The following ALG9 variants were observed in gnomAD, a reference collection of about 807,000 sequenced individuals.
ALG9 encodes alpha-1,2-mannosyltransferase ALG9.
In ALG9, 55 loss-of-function variants were observed where a neutral mutation model predicts 81.8. The ratio of observed to expected loss-of-function variants is 0.67; its 90% confidence interval spans 0.54 to 0.84. ALG9 has a LOEUF of 0.84. Among genes scored for constraint, ALG9 ranks in the 40% least tolerant of loss-of-function variants. The probability of loss-of-function intolerance (pLI) is 0.00; values close to 1 mark genes in which losing one functional copy is unlikely to be tolerated. For missense variants in ALG9, 629 were observed against 745.0 expected (o/e 0.84, Z 1.81); for synonymous variants, 278 against 274.3 (o/e 1.01, Z -0.13).
intron 13 of ALG9, among the ~76,000 whole-genome samples, chr11:111,829,776 T>C (rs967104515): frequency 1.3e-5 from 2 of 152,198 alleles, no homozygotes; most frequent in African/African-American, 4.8e-5. Context: ...CAGTCTTCAG[T>C]GACATCATCT....
intron 14 of ALG9, among the ~76,000 whole-genome samples, chr11:111,808,204 C>T (rs546614637): frequency 6.6e-6 from 1 of 152,274 alleles, no homozygotes; most frequent in South Asian, 2.1e-4. Flanking sequence ...GAGAGTGTGG[C>T]TCAAGAGCCT....
chr11:111,866,243 G>A (rs1403564792), intron 3 of ALG9, among the ~76,000 whole-genome samples: 2 of 152,232 alleles, frequency 1.3e-5, no homozygotes, highest in African/African-American at 4.8e-5. Flanking sequence ...GTTGCAGTGA[G>A]CCGAGATCGT....
intron 13 of ALG9, chr11:111,817,339 T>C (rs1273863659): frequency 2.6e-5 from 4 of 152,192 alleles, no homozygotes; most frequent in Non-Finnish European, 1.5e-5. Context: ...TAATATTCAG[T>C]TGTGAAGTGA....
At chr11:111,842,099 G>T (rs1375637621) in intron 9 of ALG9, among the ~76,000 whole-genome samples, 1 of 152,110 alleles carries the variant, frequency 6.6e-6, no homozygotes, top group South Asian at 2.1e-4. Flanking sequence ...GTTTCACAGT[G>T]TTGGTCATGC....
At chr11:111,776,985 C>T in the ALG9 span, among the ~76,000 whole-genome samples, 1 of 152,194 alleles carries the variant, frequency 6.6e-6, no homozygotes, top group Admixed American at 6.5e-5. Context: ...AGGACAGAAC[C>T]TTGGACTTTG....
At chr11:111,864,647 G>A (rs781880862) in intron 4 of ALG9, among the ~76,000 whole-genome samples, 14 of 151,756 alleles carry the variant, frequency 9.2e-5, no homozygotes, top group Non-Finnish European at 1.8e-4. Context: ...TTTCACAAGG[G>A]TAACTGTTTT....
Position 111,797,231 on chromosome 11 carries a change from T to C in ALG9, c.1734-10711A>G, listed in dbSNP as rs563056589. Among the ~76,000 whole-genome samples, 19 of 152,320 alleles carry C rather than the reference T, an allele frequency of 1.2e-4. No individual in the cohort carries two copies. In the East Asian group the frequency reaches 3.3e-3, roughly 26 times the overall value. Reference sequence around the variant, plus strand: ...GCCAACAAACAGAATGAGGAGGAAGTGATACTGTGTGACTTCCAAGGCTAG... The same window carrying C: ...GCCAACAAACAGAATGAGGAGGAAGCGATACTGTGTGACTTCCAAGGCTAG... On this transcript the variant is annotated intron_variant, in intron 14 of 14. Coordinates refer to ENST00000616540, the MANE Select transcript of ALG9 (RefSeq NM_024740.2).
intron 14 of ALG9, among the ~76,000 whole-genome samples, chr11:111,789,056 T>C (rs1946949030): frequency 6.6e-6 from 1 of 151,972 alleles, no homozygotes; most frequent in Non-Finnish European, 1.5e-5. Context: ...TTGCCCAGGC[T>C]GGCCTTGAAC....
intron 3 of ALG9, among the ~76,000 whole-genome samples, chr11:111,867,189 C>T (rs34558891): frequency 0.27 from 41,590 of 152,152 alleles, 5,941 homozygotes; most frequent in Admixed American, 0.35. Flanking sequence ...CTGCAGGTGC[C>T]ACCTTTCTGA....
chr11:111,847,939 C>A (rs1225833562), intron 8 of ALG9, among the ~76,000 whole-genome samples: 1 of 152,174 alleles, frequency 6.6e-6, no homozygotes, highest in African/African-American at 2.4e-5. Context: ...TATCTTCTCC[C>A]ACCCTCAACT....
At chr11:111,870,403 A>AAAAAAC in intron 1 of ALG9, 33 bp from the exon 2 acceptor site, 1 of 1,501,980 alleles carries the variant, frequency 6.7e-7, no homozygotes, top group South Asian at 1.3e-5. Flanking sequence ...AAAAAAAAAA[A>AAAAAAC]AGCATGTCAG....
chr11:111,770,350 T>C, the ALG9 span, among the ~76,000 whole-genome samples: 1 of 152,168 alleles, frequency 6.6e-6, no homozygotes, highest in Admixed American at 6.5e-5. Flanking sequence ...GTAATTTCCA[T>C]GTCAATAAAC....
At chr11:111,781,797 G>A (rs1212543104), downstream of ALG9, among the ~76,000 whole-genome samples, 3 of 152,106 alleles carry the variant, frequency 2.0e-5, no homozygotes, top group Non-Finnish European at 2.9e-5. Context: ...ACAGGCATGC[G>A]CCACTACGCC....
At chr11:111,857,473 C>G (rs1958890661) in intron 6 of ALG9, 129 bp downstream of exon 6, 6 of 1,211,318 alleles carry the variant, frequency 5.0e-6, no homozygotes, top group Non-Finnish European at 7.2e-6. Context: ...AATATTCTTC[C>G]ATTTCCCAGA....
Position 111,789,752 on chromosome 11 carries a change from A to C in ALG9, c.1734-3232T>G, listed in dbSNP as rs142265698. Among the ~76,000 whole-genome samples, 100 of 151,612 alleles carry C rather than the reference A, an allele frequency of 6.6e-4. No individual in the cohort carries two copies. The East Asian group carries it at 0.018, about 28-fold the overall frequency. Reference sequence around the variant, plus strand: ...GGAGAATTGCTTGAACCTGGGGGGTAGAAGTTGCAGTGAGCTGAGACTGTG... The same window carrying C: ...GGAGAATTGCTTGAACCTGGGGGGTCGAAGTTGCAGTGAGCTGAGACTGTG... On this transcript the variant is annotated intron_variant, in intron 14 of 14. Coordinates refer to ENST00000616540, the MANE Select transcript of ALG9 (RefSeq NM_024740.2).
intron 6 of ALG9, 109 bp from the exon 7 acceptor site, chr11:111,853,845 A>G (rs1958221458): frequency 1.0e-6 from 1 of 995,414 alleles, no homozygotes; most frequent in South Asian, 1.3e-5. Context: ...TGCCAGTTAT[A>G]GTGAGGGAAG....
In ALG9 at chr11:111,870,250, T is replaced by C. The variant is rs782535217; in HGVS notation, c.252A>G (p.Thr84=). 6 of 1,609,822 alleles carry C rather than the reference T, an allele frequency of 3.7e-6. No individual in the cohort carries two copies. Among genetic ancestry groups the C allele is most frequent in the African/African-American group, 1.3e-5 (1 of 74,612 alleles). ...LLSNISDCDE[T]FNYWEPTHYL... ...CACCTACTGGCTCCCAGTAGTTGAA[T>C]GTTTCATCACAGTCAGAGATGTTGC... The change falls in exon 2 of 15, where the codon ACA becomes ACG. Residue 84 remains threonine (T), a synonymous_variant. Coordinates refer to ENST00000616540, the MANE Select transcript of ALG9 (RefSeq NM_024740.2).
At chr11:111,793,163 G>A (rs1947684858) in intron 14 of ALG9, among the ~76,000 whole-genome samples, 3 of 151,884 alleles carry the variant, frequency 2.0e-5, no homozygotes, top group African/African-American at 7.3e-5. Flanking sequence ...TTTACTTTTT[G>A]CAGCGACGGG....
chr11:111,834,600 G>C (rs566847164), intron 13 of ALG9, among the ~76,000 whole-genome samples: 39 of 152,274 alleles, frequency 2.6e-4, no homozygotes, highest in Middle Eastern at 6.8e-3. Flanking sequence ...TTTAGCAACA[G>C]AGCTGAGGTT....
Sources: allele counts gnomAD v4.1 joint callset (sites outside exome capture counted in the v4.1 genomes callset), GRCh38; gene constraint gnomAD v4.1.1; transcripts MANE v1.5; gene names NCBI Gene and HGNC (gene_info 2026-07-23, HGNC 2026-07-21).